Variants in ZNF518A observed in about 807,000 individuals in gnomAD.
ZNF518A encodes the protein zinc finger protein 518A.
A neutral mutation model predicts 102.7 loss-of-function variants in ZNF518A; 47 were observed. The ratio of observed to expected loss-of-function variants is 0.46; its 90% CI spans 0.36 to 0.58. The LOEUF (loss-of-function observed/expected upper bound fraction) is 0.58. Ranked by LOEUF, ZNF518A falls within the 20% of genes least tolerant of loss-of-function variation. The pLI is 0.00. For missense variants in ZNF518A, 1,793 were observed against 1,699.8 expected, an observed-to-expected ratio of 1.05 and a Z score of -0.96; for synonymous variants, 652 against 594.6, an observed-to-expected ratio of 1.10 and a Z score of -1.40.
rs1554895977 is a variant in ZNF518A, at chr10:96,200,988, T to A, written n.36-2586T>A. ...TCAAGAGTTCATTTCATACCTGTTCTGAAATAGTGGAATTAGATGAAAAGC... is the reference window on the plus strand; with the variant it reads ...TCAAGAGTTCATTTCATACCTGTTCAGAAATAGTGGAATTAGATGAAAAGC... On this transcript the variant is annotated intron_variant and non_coding_transcript_variant, in intron 1 of 2. Transcript: ENST00000442635. This position sits in a 1 kb window ranked among gnomAD's most constrained non-coding sequence, Gnocchi z 4.3. 6.2e-7 allele frequency: 1 copy of A among 1,613,968 alleles called. No individual in the cohort carries two copies. The highest frequency in any genetic ancestry group is 8.5e-7 in the Non-Finnish European group (1 of 1,179,806).
At chr10:96,196,537 T>C (rs1004838039) in intron 1 of ZNF518A, among the ~76,000 whole-genome samples, 5 of 152,230 alleles carry the variant, frequency 3.3e-5, no homozygotes, top group Non-Finnish European at 7.3e-5. Flanking sequence ...CCTTGGTACT[T>C]GAGTTGAGAT....
At chr10:96,204,944 AGC>A, downstream of ZNF518A, 1 of 351,232 alleles carries the variant, frequency 2.8e-6, no homozygotes. Context: ...AGAACATTTT[AGC>A]CACCCTCTAA....
At chr10:96,142,080 A>G (rs1457914773) in intron 3 of ZNF518A, among the ~76,000 whole-genome samples, 3 of 152,264 alleles carry the variant, frequency 2.0e-5, no homozygotes, top group East Asian at 1.9e-4. Context: ...TCATTAGACC[A>G]CAGTGATTTG....
chr10:96,144,258 T>G (rs1378171867), intron 3 of ZNF518A, among the ~76,000 whole-genome samples: 1 of 152,160 alleles, frequency 6.6e-6, no homozygotes, highest in Admixed American at 6.5e-5. Context: ...AGTGCTAGGA[T>G]TATAGGCATG....
chr10:96,196,899 A>G (rs1554894810), intron 1 of ZNF518A: 1 of 1,612,626 alleles, frequency 6.2e-7, no homozygotes, highest in Admixed American at 1.7e-5. Context: ...TTAAAAAGAA[A>G]TCACTGACCT....
At chr10:96,204,016 C>T (rs145125336) in exon 3 of ZNF518A, 40 of 1,576,692 alleles carry the variant, frequency 2.5e-5, no homozygotes, top group East Asian at 1.6e-4. Flanking sequence ...GATCCAGCCT[C>T]GACCACTCCC....
chr10:96,178,658 T>C (rs1177906117), intron 1 of ZNF518A, among the ~76,000 whole-genome samples: 1 of 151,934 alleles, frequency 6.6e-6, no homozygotes, highest in East Asian at 1.9e-4. Flanking sequence ...ATTAATGAAA[T>C]GAAAACTTGG....
chr10:96,179,753 A>ATTCTTC (rs58052521), intron 1 of ZNF518A, among the ~76,000 whole-genome samples: 38,904 of 150,244 alleles, frequency 0.26, 5,722 homozygotes, highest in Non-Finnish European at 0.33. Flanking sequence ...ATCTTTTACA[A>ATTCTTC]TTCTTCTTCT....
Position 96,160,125 on chromosome 10 carries a change from CT to C in ZNF518A, c.3804del (p.Ala1269ProfsTer70). The C allele has an allele frequency of 6.2e-7, 1 of 1,610,800 alleles. No homozygotes were observed. Among genetic ancestry groups the C allele is most frequent in the Non-Finnish European group, 8.5e-7 (1 of 1,178,912 alleles). On this transcript the variant is annotated frameshift_variant, in exon 6 of 6. Transcript: ENST00000316045. LOFTEE classifies it high-confidence loss of function. ...TKTHGSKDSE[T>X]AFVSRNRNCK... Reference sequence around the variant, plus strand: ...ACTCATGGAAGTAAAGACTCTGAAACTGCCTTTGTATCTAGAAACAGAAACT... The same window carrying C: ...ACTCATGGAAGTAAAGACTCTGAAACGCCTTTGTATCTAGAAACAGAAACT...
rs952707505 is a variant in ZNF518A at position 96,200,387 on chromosome 10, T to C, written n.36-3187T>C. On this transcript the variant is annotated intron_variant and non_coding_transcript_variant, in intron 1 of 2. Coordinates refer to the ZNF518A transcript ENST00000442635. This position sits in a 1 kb window ranked among gnomAD's most constrained non-coding sequence, Gnocchi z 4.3. ...CTTAGCTAGGTTCCTGAATTATTTCTTTCTTTCTCCTAAATAAGTAATAAT... is the reference window on the plus strand; with the variant it reads ...CTTAGCTAGGTTCCTGAATTATTTCCTTCTTTCTCCTAAATAAGTAATAAT... 3.3e-5 allele frequency among the ~76,000 whole-genome samples: 5 copies of C among 152,256 alleles called. No homozygotes were observed. Among genetic ancestry groups the C allele is most frequent in the Admixed American group, 6.5e-5 (1 of 15,290 alleles).
intron 1 of ZNF518A, among the ~76,000 whole-genome samples, chr10:96,203,118 G>T (rs186957353): frequency 3.3e-5 from 5 of 152,082 alleles, no homozygotes; most frequent in South Asian, 4.2e-4. Context: ...TATTTGTTTC[G>T]TTCATCCTTG....
chr10:96,204,769 C>A, downstream of ZNF518A: 1 of 687,264 alleles, frequency 1.5e-6, no homozygotes, highest in South Asian at 1.6e-5. Context: ...TGTGCACTTG[C>A]CAGTCTGTTG....
In ZNF518A at chr10:96,162,513, A is replaced by G. The variant is rs1554888574; in HGVS notation, c.*1739A>G. 1 of 166,922 alleles carries G rather than the reference A, an allele frequency of 6.0e-6. No homozygotes were observed. 10.3% of individuals were successfully genotyped at this position (166,922 alleles called of 1,614,324 possible). A position where few individuals can be genotyped will look rare whatever the true frequency, so the allele number is the denominator to read the frequency against. ...ATAGAATGCTTCAAGCTATCTTGCTATGCACATTATACTTGTACTGTTTTG... is the reference window on the plus strand; with the variant it reads ...ATAGAATGCTTCAAGCTATCTTGCTGTGCACATTATACTTGTACTGTTTTG... On this transcript the variant is annotated 3_prime_UTR_variant, in exon 6 of 6. Transcript: ENST00000316045.
chr10:96,146,092 C>T (rs1368877227), intron 3 of ZNF518A, among the ~76,000 whole-genome samples: 2 of 151,854 alleles, frequency 1.3e-5, no homozygotes, highest in African/African-American at 4.8e-5. Flanking sequence ...CTCTATATGT[C>T]TACTGTTTAT....
In ZNF518A at chr10:96,173,857, C is replaced by A. The variant is rs587748375; in HGVS notation, n.35+17810C>A. Among the ~76,000 whole-genome samples the A allele has an allele frequency of 2.0e-5, 3 of 152,138 alleles. No homozygotes were observed. In the East Asian group the frequency reaches 5.8e-4, roughly 29 times the overall value. ...AACATGGAACATTCTCCAGGATATACCATATAAAACAAGTCTCAGTGAATT... is the reference window on the plus strand; with the variant it reads ...AACATGGAACATTCTCCAGGATATAACATATAAAACAAGTCTCAGTGAATT... On this transcript the variant is annotated intron_variant and non_coding_transcript_variant, in intron 1 of 2. Transcript: ENST00000442635.
In ZNF518A at chr10:96,161,095, T is replaced by C. The variant is rs1554887774; in HGVS notation, c.*321T>C. 1 of 203,186 alleles carries C rather than the reference T, an allele frequency of 4.9e-6. No homozygotes were observed. Among genetic ancestry groups the C allele is most frequent in the East Asian group, 1.3e-4 (1 of 7,534 alleles). The allele number at this position is 203,186 out of a possible 1,614,324, so 12.6% of individuals were successfully genotyped here. A position where few individuals can be genotyped will look rare whatever the true frequency, so the allele number is the denominator to read the frequency against. ...CCCACTTTAGTTCTTTAGTGACTCT[T>C]AGTAGAGGGTAATGGCTGACACCCC... On this transcript the variant is annotated 3_prime_UTR_variant, in exon 6 of 6. Coordinates refer to ENST00000316045, the MANE Select transcript of ZNF518A (RefSeq NM_001330736.2).
downstream of ZNF518A, among the ~76,000 whole-genome samples, chr10:96,165,853 G>A (rs587741334): frequency 4.5e-4 from 68 of 152,264 alleles, no homozygotes; most frequent in African/African-American, 1.6e-3. Context: ...AGGGAATTAG[G>A]TTATGTAATT....
intron 1 of ZNF518A, among the ~76,000 whole-genome samples, chr10:96,198,858 C>T (rs1554895325): frequency 6.6e-6 from 1 of 152,190 alleles, no homozygotes; most frequent in East Asian, 1.9e-4. Flanking sequence ...GCCATCACGC[C>T]TGGCTAATTT....
intron 1 of ZNF518A, among the ~76,000 whole-genome samples, chr10:96,170,820 G>C (rs1554890823): frequency 6.6e-6 from 1 of 152,112 alleles, no homozygotes; most frequent in African/African-American, 2.4e-5. Context: ...AAGAAATGTT[G>C]TATATCATAC....
Sources: gnomAD v4.1 joint callset for allele counts (sites outside exome capture counted in the v4.1 genomes callset) on GRCh38, gnomAD v4.1.1 for gene constraint, Gnocchi (gnomAD v3.1) non-coding constraint, MANE v1.5 for transcripts, NCBI Gene and HGNC (gene_info 2026-07-23, HGNC 2026-07-21) for gene names.